Variants in R3HCC1L observed in about 807,000 individuals in gnomAD.
R3HCC1L encodes coiled-coil domain-containing protein R3HCC1L.
Under a neutral mutation model 59.9 loss-of-function variants are expected in R3HCC1L, and 51 were observed. The ratio of observed to expected loss-of-function variants is 0.85; its 90% CI spans 0.68 to 1.07. The LOEUF (loss-of-function observed/expected upper bound fraction) is 1.07, where lower values mean the gene tolerates loss of function less well. Among genes scored for constraint, R3HCC1L ranks in the 50% least tolerant of loss-of-function variants. The probability of loss-of-function intolerance (pLI) is 0.00; values close to 1 mark genes in which losing one functional copy is unlikely to be tolerated. For synonymous variants in R3HCC1L, 322 were observed against 315.2 expected, an observed-to-expected ratio of 1.02 and a Z score of -0.23; for missense variants, 965 against 933.0, an observed-to-expected ratio of 1.03 and a Z score of -0.45.
At chr10:98,216,515 C>A (rs182108248) in intron 5 of R3HCC1L, among the ~76,000 whole-genome samples, 13 of 152,252 alleles carry the variant, frequency 8.5e-5, no homozygotes, top group Admixed American at 2.0e-4. Flanking sequence ...CCTGTCTCAA[C>A]ATACATGTAT....
At chr10:98,177,961 T>C (rs1420603052) in intron 4 of R3HCC1L, among the ~76,000 whole-genome samples, 1 of 152,216 alleles carries the variant, frequency 6.6e-6, no homozygotes, top group Non-Finnish European at 1.5e-5. Context: ...ATTAGCCCTT[T>C]GTCAGATGAG....
At chr10:98,173,841 C>G (rs542214557) in intron 4 of R3HCC1L, among the ~76,000 whole-genome samples, 1 of 152,248 alleles carries the variant, frequency 6.6e-6, no homozygotes, top group East Asian at 1.9e-4. Context: ...AGATAGCATT[C>G]TAGAACTTGT....
At chr10:98,219,311 C>T (rs1302395046) in intron 5 of R3HCC1L, among the ~76,000 whole-genome samples, 4 of 152,124 alleles carry the variant, frequency 2.6e-5, no homozygotes, top group Non-Finnish European at 5.9e-5. Flanking sequence ...TTTTTTCATC[C>T]TTTTACTTCC....
At chr10:98,199,841 A>T (rs987379355) in intron 4 of R3HCC1L, among the ~76,000 whole-genome samples, 6 of 152,066 alleles carry the variant, frequency 3.9e-5, no homozygotes, top group African/African-American at 1.4e-4. Flanking sequence ...AGCTGTGCTA[A>T]TTCTCAGAAT....
intron 1 of R3HCC1L, among the ~76,000 whole-genome samples, chr10:98,144,021 T>C (rs989580460): frequency 1.3e-5 from 2 of 152,006 alleles, no homozygotes; most frequent in Non-Finnish European, 2.9e-5. Flanking sequence ...TTAAAAAATA[T>C]ATAGTGGGTC....
intron 4 of R3HCC1L, among the ~76,000 whole-genome samples, chr10:98,181,427 C>A (rs2134581827): frequency 6.6e-6 from 1 of 152,284 alleles, no homozygotes; most frequent in East Asian, 1.9e-4. Flanking sequence ...GTAATCCGAC[C>A]TTTCTCTTGA....
At chr10:98,200,053 A>G (rs989155601) in intron 4 of R3HCC1L, among the ~76,000 whole-genome samples, 2 of 151,986 alleles carry the variant, frequency 1.3e-5, no homozygotes, top group Non-Finnish European at 2.9e-5. Flanking sequence ...TTCTTATTCT[A>G]TCATCGTCCT....
At chr10:98,185,029 C>T (rs1469928638) in intron 4 of R3HCC1L, among the ~76,000 whole-genome samples, 2 of 152,110 alleles carry the variant, frequency 1.3e-5, no homozygotes, top group African/African-American at 2.4e-5. Context: ...TGTGATTTTG[C>T]ACAACATCCA....
chr10:98,204,124 A>G (rs556477573), intron 4 of R3HCC1L, among the ~76,000 whole-genome samples: 1 of 152,334 alleles, frequency 6.6e-6, no homozygotes, highest in East Asian at 1.9e-4. Context: ...AGAGAAAATA[A>G]TCGGCCCAGC....
At chr10:98,216,636 G>A (rs979948682) in intron 5 of R3HCC1L, among the ~76,000 whole-genome samples, 1 of 151,832 alleles carries the variant, frequency 6.6e-6, no homozygotes, top group Non-Finnish European at 1.5e-5. Flanking sequence ...GCAGTGGCAC[G>A]ATCTTAGCTC....
intron 1 of R3HCC1L, among the ~76,000 whole-genome samples, chr10:98,154,827 C>T (rs1042094196): frequency 6.6e-6 from 1 of 152,176 alleles, no homozygotes; most frequent in African/African-American, 2.4e-5. Flanking sequence ...CAAATTCACT[C>T]TTGTCAAATT....
intron 1 of R3HCC1L, among the ~76,000 whole-genome samples, chr10:98,151,078 C>G (rs1196627529): frequency 6.6e-6 from 1 of 152,164 alleles, no homozygotes; most frequent in African/African-American, 2.4e-5. Flanking sequence ...TCTCACTTCT[C>G]CATGGCCCTG....
At chr10:98,220,226 C>T (rs930352590) in intron 5 of R3HCC1L, among the ~76,000 whole-genome samples, 1 of 151,958 alleles carries the variant, frequency 6.6e-6, no homozygotes, top group Non-Finnish European at 1.5e-5. Flanking sequence ...TCTTTATAAA[C>T]TCTAACTCTT....
At chr10:98,196,072 A>T (rs900667171) in intron 4 of R3HCC1L, among the ~76,000 whole-genome samples, 1 of 152,214 alleles carries the variant, frequency 6.6e-6, no homozygotes, top group Non-Finnish European at 1.5e-5. Context: ...TGGTGAATAG[A>T]GGAGTGCAAA....
At chr10:98,198,697 C>T (rs775041103) in intron 4 of R3HCC1L, among the ~76,000 whole-genome samples, 3 of 151,992 alleles carry the variant, frequency 2.0e-5, no homozygotes, top group African/African-American at 2.4e-5. Context: ...TCATTATGAA[C>T]TAAAGTGTTT....
chr10:98,237,022 A>G (rs1238375397), intron 9 of R3HCC1L, among the ~76,000 whole-genome samples: 2 of 152,226 alleles, frequency 1.3e-5, no homozygotes, highest in African/African-American at 2.4e-5. Flanking sequence ...TGGTCTAACA[A>G]GGCCATTAAT....
rs1023508374 is a variant in R3HCC1L at position 98,171,083 on chromosome 10, A to G, written c.-15+7686A>G. Among the ~76,000 whole-genome samples, 5 of 152,252 alleles carry G rather than the reference A, an allele frequency of 3.3e-5. No homozygotes were observed. The South Asian group carries it at 1.0e-3, about 32-fold the overall frequency. ...CACATAGGCATGCACACAACACTTA[A>G]CCCTCATTGCCTTCACTCTCTCTGA... On this transcript the variant is annotated intron_variant, in intron 4 of 9. Coordinates refer to ENST00000298999, the MANE Select transcript of R3HCC1L (RefSeq NM_001351015.2).
chr10:98,242,688 T>C (rs1857664737), intron 9 of R3HCC1L, among the ~76,000 whole-genome samples: 1 of 152,242 alleles, frequency 6.6e-6, no homozygotes, highest in African/African-American at 2.4e-5. Context: ...CACACCTTAT[T>C]GAAAAATTGG....
chr10:98,209,729 A>G lies in R3HCC1L; in HGVS notation c.1615A>G (p.Ile539Val). The G allele has an allele frequency of 4.3e-6, 7 of 1,613,982 alleles. No homozygotes were observed. Among genetic ancestry groups the G allele is most frequent in the South Asian group, 1.1e-5 (1 of 91,078 alleles). The change falls in exon 5 of 10, where the codon ATA becomes GTA. Residue 539 changes from isoleucine (I) to valine (V), a missense_variant. Ile to Val is a conservative substitution (Grantham distance 29). Coordinates refer to ENST00000298999, the MANE Select transcript of R3HCC1L (RefSeq NM_001351015.2). ...AGAAGAGCAAGATGACTCAGGGAGT[A>G]TAGAATTTGGTGTATCTTTTCCTGA... is the stretch of plus-strand genomic sequence containing the variant. ...KTEEQDDSGS[I>V]EFGVSFPDRE...
Sources: gnomAD v4.1 joint callset for allele counts (sites outside exome capture counted in the v4.1 genomes callset) on GRCh38, gnomAD v4.1.1 for gene constraint, MANE v1.5 for transcripts, NCBI Gene and HGNC (gene_info 2026-07-23, HGNC 2026-07-21) for gene names.